Variants in RRP12 observed in about 807,000 individuals in gnomAD.
RRP12 encodes the protein RRP12-like protein.
RRP12 carries 78 observed loss-of-function variants against 157.3 expected under a neutral mutation model. The observed-to-expected ratio is 0.50, with a 90% CI of 0.41 to 0.60. The LOEUF (loss-of-function observed/expected upper bound fraction) is 0.60, where lower values mean the gene tolerates loss of function less well. RRP12 is among the 20% of genes least tolerant of loss of function. The pLI, the probability that RRP12 is intolerant of heterozygous loss-of-function variation, is 0.00. For synonymous variants in RRP12, 726 were observed against 670.9 expected, an observed-to-expected ratio of 1.08 and a Z score of -1.27; for missense variants, 1,521 against 1,679.9, an observed-to-expected ratio of 0.91 and a Z score of 1.65.
At position 97,390,797 on chromosome 10, in the gene RRP12, G is replaced by A. The variant is rs764538613; in HGVS notation, c.578C>T (p.Ala193Val). The A allele has an allele frequency of 4.6e-5, 75 of 1,613,872 alleles. No individual in the cohort carries two copies. The highest frequency in any genetic ancestry group is 6.4e-5 in the Non-Finnish European group (75 of 1,179,850). Residue 193 changes from alanine (A) to valine (V), a missense_variant, in exon 5 of 34, where the codon GCC (alanine) becomes GTC (valine). By Grantham distance (64) the Ala-to-Val change is moderately conservative. Transcript: ENST00000370992. ...LIKKFSDTSK[A>V]FMDIMSAQAS... Reference sequence around the variant, plus strand: ...CTGAGCTGACATGATATCCATGAAGGCTTTGGAGGTATCAGAGAACTTCTT... The same window carrying A: ...CTGAGCTGACATGATATCCATGAAGACTTTGGAGGTATCAGAGAACTTCTT...
rs1490345765 is a variant in RRP12, at chr10:97,396,234, T to A, written c.437A>T (p.Glu146Val). ...RSQGGKETET[E>V]YFAALMTTME... The stretch of plus-strand genomic sequence containing the variant: ...CCCACTCACCAGAGCAGCGAAGTAC[T>A]CAGTCTCCGTCTCCTTCCCTCCCTG... The change falls in exon 3 of 34, where the codon GAG becomes GTG. Residue 146 changes from glutamate (E) to valine (V), a missense_variant. Physicochemically the swap from Glu to Val is moderately radical, Grantham distance 121. Transcript: ENST00000370992. 1 of 1,612,612 alleles carries A rather than the reference T, an allele frequency of 6.2e-7. No homozygotes were observed. The highest frequency in any genetic ancestry group is 8.5e-7 in the Non-Finnish European group (1 of 1,178,828).
intron 10 of RRP12, 36 bp from the exon 11 acceptor site, chr10:97,381,862 G>A (rs1364199494): frequency 4.6e-6 from 7 of 1,522,408 alleles, no homozygotes; most frequent in Non-Finnish European, 6.3e-6. Context: ...GGCCTGGCCT[G>A]AGCCCTGGGG....
At chr10:97,372,319 T>C (rs1337565556) in intron 19 of RRP12, among the ~76,000 whole-genome samples, 153 bp from the exon 20 acceptor site, 1 of 152,178 alleles carries the variant, frequency 6.6e-6, no homozygotes, top group East Asian at 1.9e-4. Flanking sequence ...TAATAGCTAG[T>C]ACCTAACTGA....
At chr10:97,397,011 C>G (rs923368651) in intron 2 of RRP12, among the ~76,000 whole-genome samples, 1 of 152,106 alleles carries the variant, frequency 6.6e-6, no homozygotes, top group Non-Finnish European at 1.5e-5. Context: ...GTGATCTGCC[C>G]TCCTTAGCCT....
chr10:97,372,888 T>A, intron 18 of RRP12, 85 bp from the exon 19 acceptor site: 2 of 1,456,634 alleles, frequency 1.4e-6, no homozygotes, highest in Non-Finnish European at 1.9e-6. Context: ...CAGAGCGGCC[T>A]CCCCATCAGC....
intron 2 of RRP12, among the ~76,000 whole-genome samples, chr10:97,400,095 T>C (rs1845096726): frequency 1.3e-5 from 2 of 152,206 alleles, no homozygotes; most frequent in Non-Finnish European, 2.9e-5. Flanking sequence ...GGAAAATATT[T>C]CTACCCTCAA....
At chr10:97,367,864 T>G (rs1453067934) in intron 25 of RRP12, among the ~76,000 whole-genome samples, 4 of 152,106 alleles carry the variant, frequency 2.6e-5, no homozygotes, top group African/African-American at 9.7e-5. Flanking sequence ...CCTGAATAGC[T>G]GGGATTACAG....
At chr10:97,362,334 A>T (rs1293999524) in intron 30 of RRP12, among the ~76,000 whole-genome samples, 4 of 152,190 alleles carry the variant, frequency 2.6e-5, no homozygotes, top group Non-Finnish European at 4.4e-5. Context: ...GAGGATCTGC[A>T]AAGCCACATG....
Position 97,360,627 on chromosome 10 carries a change from A to T in RRP12, c.3568-9T>A. On this transcript the variant is annotated splice_polypyrimidine_tract_variant and intron_variant, in intron 30 of 33. Coordinates refer to ENST00000370992, the MANE Select transcript of RRP12 (RefSeq NM_015179.4). ...AGCTTCTGGTGCTTTTTCTATAGAGAGAGAATAGGTGGGTAGTGAGTGAAC... is the reference window on the plus strand; with the variant it reads ...AGCTTCTGGTGCTTTTTCTATAGAGTGAGAATAGGTGGGTAGTGAGTGAAC... 1.2e-6 allele frequency: 2 copies of T among 1,611,998 alleles called. No individual in the cohort carries two copies. The highest frequency in any genetic ancestry group is 2.2e-5 in the South Asian group (2 of 91,038).
chr10:97,401,008 A>G, intron 1 of RRP12, 85 bp downstream of exon 1: 1 of 1,507,020 alleles, frequency 6.6e-7, no homozygotes, highest in Non-Finnish European at 9.0e-7. Context: ...CTGGCCCCGC[A>G]CTCTCCCAGA....
chr10:97,383,502 G>A (rs1057353147), intron 10 of RRP12, among the ~76,000 whole-genome samples: 2 of 152,136 alleles, frequency 1.3e-5, no homozygotes, highest in East Asian at 1.9e-4. Flanking sequence ...CTGCCTGGGT[G>A]AGGGCAGGCC....
chr10:97,397,792 C>A (rs1037854188), intron 2 of RRP12, among the ~76,000 whole-genome samples: 2 of 150,644 alleles, frequency 1.3e-5, no homozygotes, highest in Admixed American at 1.3e-4. Context: ...AACCCCATCT[C>A]TACAAAAAAT....
chr10:97,360,539 G>A lies in RRP12; in HGVS notation c.3640+7C>T, dbSNP rs199722247. The A allele has an allele frequency of 3.5e-4, 565 of 1,606,076 alleles. 2 individuals are homozygous for A. In the African/African-American group the frequency reaches 6.8e-3, roughly 19 times the overall value. ...TGTGTCCCAGGAGAGAGGAGTGGAAGCCTCACCTTGGTACTGAGGGGGTAT... is the reference window on the plus strand; with the variant it reads ...TGTGTCCCAGGAGAGAGGAGTGGAAACCTCACCTTGGTACTGAGGGGGTAT... On this transcript the variant is annotated splice_region_variant and intron_variant, in intron 31 of 33. Transcript: ENST00000370992.
At position 97,388,317 on chromosome 10, in the gene RRP12, A is replaced by C. The variant is rs1220073689; in HGVS notation, c.952T>G (p.Phe318Val). The C allele has an allele frequency of 6.2e-7, 1 of 1,614,046 alleles. No homozygotes were observed. Reference protein sequence around the residue: ...LTLLKDLLPCFPEGLVKSCSE... With the variant: ...LTLLKDLLPCVPEGLVKSCSE... ...CAGCTCTTCACCAGGCCTTCCGGGAAGCAGGGCAGCAGGTCCTTCAGCAGC... is the reference window on the plus strand; with the variant it reads ...CAGCTCTTCACCAGGCCTTCCGGGACGCAGGGCAGCAGGTCCTTCAGCAGC... The change falls in exon 8 of 34, where the codon TTC (phenylalanine) becomes GTC (valine). Residue 318 changes from phenylalanine to valine, a missense_variant. Phe to Val is a conservative substitution (Grantham distance 50). Transcript: ENST00000370992.
intron 26 of RRP12, 57 bp from the exon 27 acceptor site, chr10:97,366,966 TGTA>T (rs1564750374): frequency 6.2e-7 from 1 of 1,609,416 alleles, no homozygotes; most frequent in Non-Finnish European, 8.5e-7. Context: ...ACGACCCAGA[TGTA>T]GTGTCCCTGG....
At chr10:97,387,409 C>G (rs1257598040) in intron 8 of RRP12, among the ~76,000 whole-genome samples, 1 of 149,480 alleles carries the variant, frequency 6.7e-6, no homozygotes, top group Non-Finnish European at 1.5e-5. Flanking sequence ...CCATGGCTCA[C>G]TACAGCCTCA....
chr10:97,365,424 C>T (rs756275398), intron 29 of RRP12, among the ~76,000 whole-genome samples: 3 of 152,014 alleles, frequency 2.0e-5, no homozygotes, highest in Non-Finnish European at 4.4e-5. Context: ...CAGGCGCCCG[C>T]GACCACGCCC....
At position 97,366,915 on chromosome 10, in the gene RRP12, G is replaced by C. The variant is rs1388093637; in HGVS notation, c.3048-6C>G. The C allele has an allele frequency of 6.2e-7, 1 of 1,612,272 alleles. No homozygotes were observed. The highest frequency in any genetic ancestry group is 8.5e-7 in the Non-Finnish European group (1 of 1,178,760). ...GCCTTTTCACCAGCTCAAATCTGGAGGTGGCAAGGAAGGGCTGGTGAGAGG... is the reference window on the plus strand; with the variant it reads ...GCCTTTTCACCAGCTCAAATCTGGACGTGGCAAGGAAGGGCTGGTGAGAGG... On this transcript the variant is annotated splice_polypyrimidine_tract_variant and splice_region_variant and intron_variant, in intron 26 of 33. Transcript: ENST00000370992.
intron 1 of RRP12, 136 bp downstream of exon 1, chr10:97,400,957 G>A (rs1425354931): frequency 1.8e-6 from 2 of 1,083,896 alleles, no homozygotes; most frequent in Non-Finnish European, 2.6e-6. Context: ...CTTCAGAGAG[G>A]GCTCCAGATC....
Sources: gnomAD v4.1 joint callset for allele counts (sites outside exome capture counted in the v4.1 genomes callset) on GRCh38, gnomAD v4.1.1 for gene constraint, MANE v1.5 for transcripts, NCBI Gene and HGNC (gene_info 2026-07-23, HGNC 2026-07-21) for gene names.